Variants in RAB27B observed in about 807,000 individuals in gnomAD.
RAB27B encodes RAB27B, member RAS oncogene family, also known as ras-related protein Rab-27B.
RAB27B carries 15 observed loss-of-function variants against 24.6 expected under a neutral mutation model. The observed-to-expected ratio is 0.61, with a 90% CI of 0.41 to 0.94. RAB27B has a LOEUF of 0.94. Ranked by LOEUF, RAB27B falls within the 40% of genes least tolerant of loss-of-function variation. RAB27B has a pLI of 0.00. For synonymous variants in RAB27B, 105 were observed against 92.5 expected (o/e 1.14, Z -0.78); for missense variants, 261 against 266.8 (o/e 0.98, Z 0.15).
At chr18:54,794,369 C>A (rs546936073) in intron 2 of RAB27B, among the ~76,000 whole-genome samples, 11 of 152,242 alleles carry the variant, frequency 7.2e-5, no homozygotes, top group Admixed American at 1.3e-4. Context: ...AGTAAGATTG[C>A]ATTTTTATTA....
At chr18:54,730,255 C>T (rs1002971637) in intron 2 of RAB27B, among the ~76,000 whole-genome samples, 1 of 151,960 alleles carries the variant, frequency 6.6e-6, no homozygotes, top group Non-Finnish European at 1.5e-5. Flanking sequence ...GCCCTGAAGA[C>T]GTTATCTGGA....
At chr18:54,829,646 A>C (rs1435871723) in intron 1 of RAB27B, among the ~76,000 whole-genome samples, 3 of 152,194 alleles carry the variant, frequency 2.0e-5, no homozygotes, top group Non-Finnish European at 4.4e-5. Context: ...ACACATATTC[A>C]TTCATATATA....
At chr18:54,872,819 A>G (rs1912531021) in intron 1 of RAB27B, among the ~76,000 whole-genome samples, 1 of 152,168 alleles carries the variant, frequency 6.6e-6, no homozygotes, top group Non-Finnish European at 1.5e-5. Flanking sequence ...GCATGGCTGC[A>G]GATAGCTTAA....
intron 2 of RAB27B, among the ~76,000 whole-genome samples, chr18:54,799,364 T>C (rs1490044060): frequency 6.6e-6 from 1 of 152,180 alleles, no homozygotes; most frequent in Non-Finnish European, 1.5e-5. Context: ...TGGAATTTTC[T>C]TGATTCTTAA....
intron 4 of RAB27B, among the ~76,000 whole-genome samples, chr18:54,887,208 A>G (rs1913180691): frequency 6.6e-6 from 1 of 151,750 alleles, no homozygotes; most frequent in Non-Finnish European, 1.5e-5. Flanking sequence ...ATAGATCATC[A>G]TTTCGGAGGT....
chr18:54,841,712 G>A (rs372852947), intron 1 of RAB27B, among the ~76,000 whole-genome samples: 10 of 149,080 alleles, frequency 6.7e-5, no homozygotes, highest in African/African-American at 1.3e-4. Flanking sequence ...CAGGTCCACC[G>A]TTGTAAACTA....
intron 2 of RAB27B, among the ~76,000 whole-genome samples, chr18:54,822,064 A>G (rs1910328198): frequency 6.6e-6 from 1 of 152,188 alleles, no homozygotes; most frequent in Admixed American, 6.5e-5. Flanking sequence ...ACTAGCTGTT[A>G]TTCTTTACAA....
intron 2 of RAB27B, among the ~76,000 whole-genome samples, chr18:54,797,643 C>T (rs1379544519): frequency 2.0e-5 from 3 of 152,162 alleles, no homozygotes; most frequent in African/African-American, 7.2e-5. Context: ...TCTTTATTTT[C>T]CAGTGACCTA....
intron 2 of RAB27B, among the ~76,000 whole-genome samples, chr18:54,814,796 C>G (rs1568077322): frequency 6.6e-6 from 1 of 152,136 alleles, no homozygotes. Flanking sequence ...CATTCAGTTA[C>G]TTGAGTATAT....
chr18:54,858,377 G>GT lies in RAB27B; in HGVS notation c.-19-19165dup, dbSNP rs4071703. ...GGGCTCAGCTTCCAGCAGGAAAACT[G>GT]TTTTTTTTTTTTTTTTTTTTTTTTT... is the stretch of plus-strand genomic sequence containing the variant. On this transcript the variant is annotated intron_variant, in intron 1 of 5. Transcript: ENST00000262094. Among the ~76,000 whole-genome samples the GT allele has an allele frequency of 1.3e-3, 162 of 127,770 alleles. 3 individuals carry two copies. The highest frequency in any genetic ancestry group is 4.6e-3 in the African/African-American group (155 of 33,606). The allele number at this position is 127,770 out of a possible 152,430, so 83.8% of individuals were successfully genotyped here.
chr18:54,876,813 C>T (rs1468098587), intron 1 of RAB27B, among the ~76,000 whole-genome samples: 1 of 152,166 alleles, frequency 6.6e-6, no homozygotes, highest in African/African-American at 2.4e-5. Context: ...AGTGATGTCT[C>T]TCTGTAGGAT....
chr18:54,840,439 A>G (rs1221337203), intron 1 of RAB27B, among the ~76,000 whole-genome samples: 1 of 152,176 alleles, frequency 6.6e-6, no homozygotes, highest in Non-Finnish European at 1.5e-5. Context: ...ATCCAAAGTC[A>G]TGCCTAATAT....
intron 2 of RAB27B, among the ~76,000 whole-genome samples, chr18:54,736,346 G>T (rs534321220): frequency 6.6e-6 from 1 of 152,132 alleles, no homozygotes; most frequent in South Asian, 2.1e-4. Context: ...TTATCTAATT[G>T]GATGTTATTA....
At chr18:54,718,811 A>G (rs1909271051) in intron 2 of RAB27B, among the ~76,000 whole-genome samples, 1 of 152,198 alleles carries the variant, frequency 6.6e-6, no homozygotes, top group Non-Finnish European at 1.5e-5. Flanking sequence ...GAGATGGAAA[A>G]TTCTTTTTGA....
At chr18:54,766,527 T>C (rs969834691) in intron 2 of RAB27B, among the ~76,000 whole-genome samples, 1 of 152,182 alleles carries the variant, frequency 6.6e-6, no homozygotes, top group Non-Finnish European at 1.5e-5. Context: ...TTCCCATTTA[T>C]TTAATGAAGA....
In RAB27B at chr18:54,857,601, A is replaced by G. The variant is rs139160708; in HGVS notation, c.-19-19966A>G. ...ATCAGGTTAAATAGAAGCCTGGCAT[A>G]TAAATAGAAGATGTGCATGCACGAG... is the stretch of plus-strand genomic sequence containing the variant. On this transcript the variant is annotated intron_variant, in intron 1 of 5. Coordinates refer to ENST00000262094, the MANE Select transcript of RAB27B (RefSeq NM_004163.4). 6.6e-4 allele frequency among the ~76,000 whole-genome samples: 101 copies of G among 152,390 alleles called. No individual in the cohort carries two copies. The South Asian group carries it at 0.015, about 22-fold the overall frequency.
intron 2 of RAB27B, among the ~76,000 whole-genome samples, chr18:54,738,431 G>T (rs765992399): frequency 6.6e-6 from 1 of 152,046 alleles, no homozygotes; most frequent in Non-Finnish European, 1.5e-5. Context: ...ATCAGTTCTC[G>T]TGAGATCTGA....
chr18:54,722,275 A>G (rs970659342), intron 2 of RAB27B, among the ~76,000 whole-genome samples: 2 of 152,170 alleles, frequency 1.3e-5, no homozygotes, highest in African/African-American at 4.8e-5. Flanking sequence ...ACAACAGAAA[A>G]AGAAAGAATT....
intron 1 of RAB27B, among the ~76,000 whole-genome samples, chr18:54,871,120 C>T (rs1283638458): frequency 2.6e-5 from 4 of 152,108 alleles, no homozygotes; most frequent in Non-Finnish European, 5.9e-5. Flanking sequence ...TTCATATGGG[C>T]ACTCATCAAT....
Sources: allele counts gnomAD v4.1 joint callset (sites outside exome capture counted in the v4.1 genomes callset), GRCh38; gene constraint gnomAD v4.1.1; transcripts MANE v1.5; gene names NCBI Gene and HGNC (gene_info 2026-07-23, HGNC 2026-07-21).